TBC1D32: variants seen among roughly 807,000 people sequenced by gnomAD.
TBC1D32 encodes TBC1 domain family member 32.
In TBC1D32, 151 loss-of-function variants were observed where a neutral mutation model predicts 170.3. The ratio of observed to expected loss-of-function variants is 0.89; its 90% confidence interval spans 0.78 to 1.01. The LOEUF (loss-of-function observed/expected upper bound fraction) is 1.01, where lower values mean the gene tolerates loss of function less well. Among genes scored for constraint, TBC1D32 ranks in the 50% least tolerant of loss-of-function variants. The pLI, the probability that TBC1D32 is intolerant of heterozygous loss-of-function variation, is 0.00. For missense variants in TBC1D32, 1,464 were observed against 1,457.1 expected, an observed-to-expected ratio of 1.00 and a Z score of -0.08; for synonymous variants, 498 against 488.0, an observed-to-expected ratio of 1.02 and a Z score of -0.27.
intron 12 of TBC1D32, among the ~76,000 whole-genome samples, chr6:121,289,302 CAA>C (rs977132165): frequency 2.0e-4 from 31 of 152,154 alleles, no homozygotes; most frequent in African/African-American, 7.5e-4. Flanking sequence ...GCAACTTCAG[CAA>C]AGTCTCAGGA....
Position 121,296,529 on chromosome 6 carries a change from C to T in TBC1D32, c.1141-1869G>A, listed in dbSNP as rs145393263. 1.9e-4 allele frequency among the ~76,000 whole-genome samples: 29 copies of T among 152,272 alleles called. 1 individual carries two copies. In the East Asian group the frequency reaches 5.6e-3, roughly 29 times the overall value. ...CTGTGTTACTTATCTCAATGAATGA[C>T]ATTAGTCAATTGTCTGAGGCCTCAA... is the stretch of plus-strand genomic sequence containing the variant. On this transcript the variant is annotated intron_variant, in intron 10 of 31. Transcript: ENST00000398212.
At position 121,112,521 on chromosome 6, in the gene TBC1D32, G is replaced by A. The variant is rs748253784; in HGVS notation, c.3308C>T (p.Pro1103Leu). Residue 1103 changes from proline to leucine, a missense_variant, in exon 29 of 32, where the codon CCA (proline) becomes CTA (leucine). Coordinates refer to ENST00000398212, the MANE Select transcript of TBC1D32 (RefSeq NM_152730.6). ...AAGTCTTACAGAAATATGTAGCCTTGGCAACCAAAGAAAAGCAGAAGTCAG... is the reference window on the plus strand; with the variant it reads ...AAGTCTTACAGAAATATGTAGCCTTAGCAACCAAAGAAAAGCAGAAGTCAG... ...RLLTSAFLWL[P>L]RLHISSYLPN... 6.2e-6 allele frequency: 10 copies of A among 1,606,266 alleles called. No individual in the cohort carries two copies. The highest frequency in any genetic ancestry group is 8.5e-7 in the Non-Finnish European group (1 of 1,175,686).
intron 31 of TBC1D32, among the ~76,000 whole-genome samples, chr6:121,085,238 T>C (rs1183006426): frequency 7.1e-6 from 1 of 141,558 alleles, no homozygotes; most frequent in Non-Finnish European, 1.5e-5. Context: ...TATATACACA[T>C]ATACATACGT....
chr6:121,202,980 T>C (rs1478293140), intron 22 of TBC1D32, among the ~76,000 whole-genome samples: 1 of 151,292 alleles, frequency 6.6e-6, no homozygotes, highest in Non-Finnish European at 1.5e-5. Flanking sequence ...GAAGAAAATA[T>C]AAAGCAAATG....
Position 121,187,568 on chromosome 6 carries a change from C to T in TBC1D32, c.2570+17507G>A, listed in dbSNP as rs535177979. ...AATTATATTGTGGAAGCCTCCAACC[C>T]ATTCCCACCTTGAAAAACTTCCTCC... On this transcript the variant is annotated intron_variant, in intron 22 of 31. Transcript: ENST00000398212. Among the ~76,000 whole-genome samples, 11 of 152,028 alleles carry T rather than the reference C, an allele frequency of 7.2e-5. 1 individual carries two copies. Among genetic ancestry groups the T allele is most frequent in the Admixed American group, 1.3e-4 (2 of 15,230 alleles).
intron 21 of TBC1D32, among the ~76,000 whole-genome samples, chr6:121,207,863 G>A (rs1657794637): frequency 6.6e-6 from 1 of 152,232 alleles, no homozygotes; most frequent in African/African-American, 2.4e-5. Context: ...GCTAGGTTTG[G>A]GCTATGTGAC....
At chr6:121,162,244 C>T (rs1447952745) in intron 22 of TBC1D32, among the ~76,000 whole-genome samples, 2 of 152,150 alleles carry the variant, frequency 1.3e-5, no homozygotes, top group African/African-American at 4.8e-5. Context: ...TTGCTTTTGG[C>T]ATCTTCCTCA....
chr6:121,207,604 CAT>C (rs1325310880), intron 21 of TBC1D32, among the ~76,000 whole-genome samples: 2 of 152,206 alleles, frequency 1.3e-5, no homozygotes, highest in African/African-American at 2.4e-5. Flanking sequence ...AACACCATAA[CAT>C]GTGTCAATAA....
At chr6:121,094,026 C>T (rs555303243) in intron 30 of TBC1D32, among the ~76,000 whole-genome samples, 7 of 152,076 alleles carry the variant, frequency 4.6e-5, no homozygotes, top group Middle Eastern at 3.4e-3. Context: ...ACATATGACC[C>T]TCTTTGCTTG....
rs183906146 is a variant in TBC1D32 at position 121,110,911 on chromosome 6, G to A, written c.3324+1594C>T. On this transcript the variant is annotated intron_variant, in intron 29 of 31. Coordinates refer to ENST00000398212, the MANE Select transcript of TBC1D32 (RefSeq NM_152730.6). ...AAAGAAGCATCAAAACAAACTACTG[G>A]TAATAAAACATTCAACTTGATGTAT... 1.5e-3 allele frequency among the ~76,000 whole-genome samples: 228 copies of A among 152,204 alleles called. 3 individuals carry two copies. In the Middle Eastern group the frequency reaches 0.02, roughly 14 times the overall value.
chr6:121,286,214 C>T (rs1386278376), intron 12 of TBC1D32, among the ~76,000 whole-genome samples: 1 of 151,948 alleles, frequency 6.6e-6, no homozygotes, highest in Non-Finnish European at 1.5e-5. Context: ...AGTTCGAACC[C>T]ATGGCAAAGA....
chr6:121,154,578 C>T (rs1207193538), intron 24 of TBC1D32, among the ~76,000 whole-genome samples: 1 of 152,154 alleles, frequency 6.6e-6, no homozygotes, highest in Admixed American at 6.5e-5. Flanking sequence ...TTTAAGATCT[C>T]AAACTATAAA....
intron 17 of TBC1D32, among the ~76,000 whole-genome samples, chr6:121,247,998 C>A (rs942091125): frequency 6.6e-6 from 1 of 151,936 alleles, no homozygotes; most frequent in Non-Finnish European, 1.5e-5. Context: ...ACATTCTACC[C>A]AACAACTGCA....
intron 3 of TBC1D32, 50 bp downstream of exon 3, chr6:121,317,445 T>C: frequency 7.4e-7 from 1 of 1,353,846 alleles, no homozygotes; most frequent in Non-Finnish European, 9.8e-7. Flanking sequence ...TTGAAGCTAA[T>C]TATTATTAAA....
chr6:121,287,568 C>A (rs572193797), intron 12 of TBC1D32, among the ~76,000 whole-genome samples: 22 of 152,120 alleles, frequency 1.4e-4, no homozygotes, highest in East Asian at 5.8e-4. Flanking sequence ...ACTTTAACAC[C>A]CCACTGTCAA....
intron 22 of TBC1D32, among the ~76,000 whole-genome samples, chr6:121,178,007 T>C (rs990323365): frequency 1.3e-5 from 2 of 152,110 alleles, no homozygotes; most frequent in African/African-American, 4.8e-5. Flanking sequence ...TCCACATGCC[T>C]GGGGAAGACT....
In TBC1D32 at chr6:121,103,434, G is replaced by C. The variant is rs913664201; in HGVS notation, c.3465+2589C>G. Among the ~76,000 whole-genome samples, 10 of 151,980 alleles carry C rather than the reference G, an allele frequency of 6.6e-5. No individual in the cohort carries two copies. In the South Asian group the frequency reaches 2.1e-3, roughly 32 times the overall value. On this transcript the variant is annotated intron_variant, in intron 30 of 31. Coordinates refer to ENST00000398212, the MANE Select transcript of TBC1D32 (RefSeq NM_152730.6). ...AAAGGATGAGTTCATGTCCTTTGTA[G>C]GGACATGGATGAAGCTGGAAACCAT...
chr6:121,313,163 T>A (rs1304590252), intron 3 of TBC1D32, among the ~76,000 whole-genome samples: 1 of 113,238 alleles, frequency 8.8e-6, no homozygotes, highest in Non-Finnish European at 1.9e-5. Context: ...TGTGTGTGTG[T>A]GTGTGTAGAG....
chr6:121,320,763 T>C (rs574227126), intron 2 of TBC1D32, among the ~76,000 whole-genome samples: 5 of 152,320 alleles, frequency 3.3e-5, no homozygotes, highest in African/African-American at 1.2e-4. Flanking sequence ...AAAATAATTT[T>C]TTAAAGTTTA....
Sources: gnomAD v4.1 joint callset for allele counts (sites outside exome capture counted in the v4.1 genomes callset) on GRCh38, gnomAD v4.1.1 for gene constraint, MANE v1.5 for transcripts, NCBI Gene and HGNC (gene_info 2026-07-23, HGNC 2026-07-21) for gene names.